Variants in CNTN5 observed in about 807,000 individuals in gnomAD.
CNTN5 encodes contactin-5.
CNTN5 carries 77 observed loss-of-function variants against 129.1 expected under a neutral mutation model. The ratio of observed to expected loss-of-function variants is 0.60; its 90% CI spans 0.50 to 0.72. The LOEUF (loss-of-function observed/expected upper bound fraction) is 0.72, where lower values mean the gene tolerates loss of function less well. Among genes scored for constraint, CNTN5 ranks in the 30% least tolerant of loss-of-function variants. The pLI is 0.00. For missense variants in CNTN5, 1,478 were observed against 1,328.8 expected (o/e 1.11, Z -1.75); for synonymous variants, 509 against 465.6 (o/e 1.09, Z -1.20).
At chr11:100,001,472 A>G (rs1455835348) in intron 8 of CNTN5, among the ~76,000 whole-genome samples, 2 of 152,184 alleles carry the variant, frequency 1.3e-5, no homozygotes, top group Non-Finnish European at 2.9e-5. Context: ...CATTCATGGC[A>G]ATGATCACTT....
At chr11:99,943,394 T>C (rs1950485915) in intron 7 of CNTN5, among the ~76,000 whole-genome samples, 1 of 152,158 alleles carries the variant, frequency 6.6e-6, no homozygotes, top group Non-Finnish European at 1.5e-5. Flanking sequence ...TGTTTTTTCT[T>C]GTAAATTTGT....
intron 1 of CNTN5, among the ~76,000 whole-genome samples, chr11:99,147,972 C>A (rs571198789): frequency 6.6e-4 from 101 of 152,026 alleles, no homozygotes; most frequent in African/African-American, 2.3e-3. Flanking sequence ...CAAGATAACA[C>A]AGAATGGAAT....
chr11:99,548,322 G>A (rs1443758747), intron 2 of CNTN5, among the ~76,000 whole-genome samples: 1 of 152,152 alleles, frequency 6.6e-6, no homozygotes, highest in Non-Finnish European at 1.5e-5. Flanking sequence ...TCATAAATCA[G>A]GCAGCACTCA....
chr11:99,411,664 C>T (rs898601217), intron 2 of CNTN5, among the ~76,000 whole-genome samples: 1 of 152,142 alleles, frequency 6.6e-6, no homozygotes, highest in Non-Finnish European at 1.5e-5. Context: ...ACTGTTTCTA[C>T]TTCAAATTAC....
intron 9 of CNTN5, among the ~76,000 whole-genome samples, chr11:100,031,514 C>T (rs764733895): frequency 2.6e-5 from 4 of 152,162 alleles, no homozygotes; most frequent in Non-Finnish European, 4.4e-5. Flanking sequence ...GCTATAAATG[C>T]CCTCATCTTG....
chr11:99,137,383 G>A lies in CNTN5; in HGVS notation c.-210+116113G>A, dbSNP rs370445826. On this transcript the variant is annotated intron_variant, in intron 1 of 24. Coordinates refer to ENST00000524871, the MANE Select transcript of CNTN5 (RefSeq NM_014361.4). ...ACTGTTTCTGGTCTCTCAAATTTGC[G>A]TTGGCCCATGTACTTAATACTTTCT... Among the ~76,000 whole-genome samples the A allele has an allele frequency of 1.7e-3, 255 of 152,172 alleles. 1 individual carries two copies. Among genetic ancestry groups the A allele is most frequent in the African/African-American group, 5.9e-3 (244 of 41,530 alleles).
chr11:99,486,794 A>C (rs898628372), intron 2 of CNTN5, among the ~76,000 whole-genome samples: 1 of 152,196 alleles, frequency 6.6e-6, no homozygotes. Context: ...CAGAGTGCAG[A>C]GGTTAACCAT....
chr11:99,211,589 T>C (rs1319963624), intron 1 of CNTN5, among the ~76,000 whole-genome samples: 1 of 152,014 alleles, frequency 6.6e-6, no homozygotes, highest in Non-Finnish European at 1.5e-5. Context: ...ATAGTATCAC[T>C]TCATTTAATT....
chr11:99,945,508 G>GTGTGTGTGTGTGTGTGTT (rs1441387158), intron 7 of CNTN5, among the ~76,000 whole-genome samples: 11 of 151,584 alleles, frequency 7.3e-5, no homozygotes, highest in African/African-American at 2.7e-4. Context: ...GTGTGTGTGT[G>GTGTGTGTGTGTGTGTGTT]TGTGTGTGTA....
At chr11:99,184,212 A>T (rs1201085791) in intron 1 of CNTN5, among the ~76,000 whole-genome samples, 1 of 152,076 alleles carries the variant, frequency 6.6e-6, no homozygotes, top group African/African-American at 2.4e-5. Flanking sequence ...TTCATTATGG[A>T]TGTGAATACT....
At chr11:99,144,220 T>C (rs1367380457) in intron 1 of CNTN5, among the ~76,000 whole-genome samples, 1 of 152,208 alleles carries the variant, frequency 6.6e-6, no homozygotes, top group East Asian at 1.9e-4. Flanking sequence ...CTAACCAAAT[T>C]GAGAATTTGA....
At chr11:99,197,641 G>GCAAGAATGTCACCCTGACTTCCC (rs1858970260) in intron 1 of CNTN5, among the ~76,000 whole-genome samples, 1 of 151,992 alleles carries the variant, frequency 6.6e-6, no homozygotes, top group Non-Finnish European at 1.5e-5. Flanking sequence ...CAGCTTCACA[G>GCAAGAATGTCACCCTGACTTCCC]CAAGAATGTC....
chr11:99,566,990 T>A lies in CNTN5; in HGVS notation c.55+10721T>A, dbSNP rs76193297. On this transcript the variant is annotated intron_variant, in intron 3 of 24. Transcript: ENST00000524871. ...AATACTTAATTAGGTTTATTAAAAC[T>A]AGGTATATTTATATCTTTTCCTTGA... Among the ~76,000 whole-genome samples, 800 of 152,302 alleles carry A rather than the reference T, an allele frequency of 5.3e-3. 26 individuals are homozygous for A. The East Asian group carries it at 0.1, about 19-fold the overall frequency.
At chr11:99,276,683 TA>T (rs760612196) in intron 1 of CNTN5, among the ~76,000 whole-genome samples, 2 of 151,476 alleles carry the variant, frequency 1.3e-5, no homozygotes, top group Non-Finnish European at 3.0e-5. Flanking sequence ...GTAGTAGTGG[TA>T]AAAAAAGTAC....
intron 15 of CNTN5, among the ~76,000 whole-genome samples, chr11:100,217,824 C>T (rs1456219461): frequency 1.3e-5 from 2 of 152,230 alleles, no homozygotes; most frequent in Non-Finnish European, 1.5e-5. Flanking sequence ...AAAGTTGATC[C>T]ATCATACAAA....
chr11:99,129,766 G>A (rs1858837647), intron 1 of CNTN5, among the ~76,000 whole-genome samples: 2 of 152,152 alleles, frequency 1.3e-5, no homozygotes, highest in African/African-American at 4.8e-5. Flanking sequence ...GTGGACTTCT[G>A]AGTGGAAAGC....
intron 13 of CNTN5, among the ~76,000 whole-genome samples, chr11:100,096,543 C>A (rs1407019290): frequency 6.6e-6 from 1 of 152,078 alleles, no homozygotes; most frequent in African/African-American, 2.4e-5. Context: ...TACCATTCTC[C>A]TAGCCATCCG....
At chr11:99,875,136 C>T (rs568240832) in intron 6 of CNTN5, among the ~76,000 whole-genome samples, 1 of 152,152 alleles carries the variant, frequency 6.6e-6, no homozygotes, top group Non-Finnish European at 1.5e-5. Flanking sequence ...CTTTTCTGAA[C>T]ATCTGTATCC....
intron 3 of CNTN5, among the ~76,000 whole-genome samples, chr11:99,652,934 A>AG (rs1449796191): frequency 6.6e-6 from 1 of 152,038 alleles, no homozygotes; most frequent in Non-Finnish European, 1.5e-5. Flanking sequence ...TTCTTTAAAA[A>AG]GGAGTTCATT....
Sources: gnomAD v4.1 joint callset for allele counts (sites outside exome capture counted in the v4.1 genomes callset) on GRCh38, gnomAD v4.1.1 for gene constraint, MANE v1.5 for transcripts, NCBI Gene and HGNC (gene_info 2026-07-23, HGNC 2026-07-21) for gene names.